The following GUCY1A2 variants were observed in gnomAD, a reference collection of about 807,000 sequenced individuals.
GUCY1A2 encodes the protein guanylate cyclase 1 soluble subunit alpha 2, also known as guanylate cyclase soluble subunit alpha-2.
Under a neutral mutation model 63.5 loss-of-function variants are expected in GUCY1A2, and 27 were observed. The ratio of observed to expected loss-of-function variants is 0.43; its 90% CI spans 0.31 to 0.59. The LOEUF is 0.59. GUCY1A2 is among the 20% of genes least tolerant of loss of function. The pLI is 0.11. For synonymous variants in GUCY1A2, 364 were observed against 343.5 expected, an observed-to-expected ratio of 1.06 and a Z score of -0.66; for missense variants, 768 against 913.3, an observed-to-expected ratio of 0.84 and a Z score of 2.05.
At chr11:106,818,638 A>G (rs1327137354) in intron 4 of GUCY1A2, among the ~76,000 whole-genome samples, 3 of 152,150 alleles carry the variant, frequency 2.0e-5, no homozygotes, top group Non-Finnish European at 4.4e-5. Flanking sequence ...TAAGCTTAGT[A>G]AGAAAGGCAT....
At chr11:106,795,648 C>T (rs541743672) in intron 5 of GUCY1A2, among the ~76,000 whole-genome samples, 1 of 152,226 alleles carries the variant, frequency 6.6e-6, no homozygotes, top group African/African-American at 2.4e-5. Flanking sequence ...AGTCATGTTA[C>T]CCATTTCAAA....
chr11:106,885,018 A>C (rs7111952), intron 4 of GUCY1A2, among the ~76,000 whole-genome samples: 1 of 152,054 alleles, frequency 6.6e-6, no homozygotes, highest in South Asian at 2.1e-4. Context: ...ACTCCCAACG[A>C]TAAGAGGCTA....
intron 6 of GUCY1A2, among the ~76,000 whole-genome samples, chr11:106,716,485 T>C (rs1863216292): frequency 6.6e-6 from 1 of 152,088 alleles, no homozygotes; most frequent in Non-Finnish European, 1.5e-5. Context: ...GCCAATAGCA[T>C]TGTGATTTTC....
intron 5 of GUCY1A2, among the ~76,000 whole-genome samples, chr11:106,798,068 A>G (rs1285983970): frequency 2.6e-5 from 4 of 152,182 alleles, no homozygotes; most frequent in African/African-American, 9.6e-5. Context: ...AGACGCAATA[A>G]TGATAAAGGG....
intron 7 of GUCY1A2, among the ~76,000 whole-genome samples, chr11:106,703,511 A>G (rs1862853013): frequency 6.8e-6 from 1 of 147,744 alleles, no homozygotes; most frequent in African/African-American, 2.6e-5. Flanking sequence ...AAGATGAACT[A>G]TTATTGGCTT....
At chr11:106,846,995 T>A (rs1002032466) in intron 4 of GUCY1A2, among the ~76,000 whole-genome samples, 2 of 151,368 alleles carry the variant, frequency 1.3e-5, no homozygotes, top group African/African-American at 2.4e-5. Flanking sequence ...GAGGATTAGA[T>A]ATAAGAAAAT....
At chr11:106,864,535 G>A (rs917859053) in intron 4 of GUCY1A2, among the ~76,000 whole-genome samples, 1 of 152,114 alleles carries the variant, frequency 6.6e-6, no homozygotes, top group Non-Finnish European at 1.5e-5. Flanking sequence ...TGCCCATTCT[G>A]CATGATATGG....
intron 4 of GUCY1A2, among the ~76,000 whole-genome samples, chr11:106,848,383 T>C (rs117608750): frequency 0.013 from 1,944 of 151,730 alleles, 27 homozygotes; most frequent in South Asian, 0.048. Context: ...AGAAAAATCA[T>C]ATTAATTCAT....
At chr11:106,972,992 C>G (rs1861215491) in intron 3 of GUCY1A2, among the ~76,000 whole-genome samples, 1 of 152,034 alleles carries the variant, frequency 6.6e-6, no homozygotes, top group Admixed American at 6.6e-5. Context: ...TTATCCTTTA[C>G]ATATAGGAAG....
intron 6 of GUCY1A2, among the ~76,000 whole-genome samples, chr11:106,709,343 A>T (rs1256169001): frequency 1.1e-5 from 1 of 89,428 alleles, no homozygotes; most frequent in Non-Finnish European, 2.0e-5. Context: ...AATATATATA[A>T]ATTTATATAT....
intron 4 of GUCY1A2, among the ~76,000 whole-genome samples, chr11:106,810,769 C>A (rs1269695343): frequency 6.6e-6 from 1 of 151,978 alleles, no homozygotes; most frequent in African/African-American, 2.4e-5. Flanking sequence ...GATGATACTC[C>A]AAGGTACATC....
At position 106,686,192 on chromosome 11, in the gene GUCY1A2, C is replaced by A. The variant is rs1427532585; in HGVS notation, c.*1357G>T. On this transcript the variant is annotated 3_prime_UTR_variant, in exon 8 of 8. Transcript: ENST00000526355. ...GGAAAACTCTGGACACCTGATGCTC[C>A]TAATTTTAGTGTGAGCCAGTAATAT... 1.4e-5 allele frequency: 3 copies of A among 217,584 alleles called. No individual in the cohort carries two copies. Among genetic ancestry groups the A allele is most frequent in the Non-Finnish European group, 1.8e-5 (2 of 108,272 alleles). 13.5% of individuals were successfully genotyped at this position (217,584 alleles called of 1,614,324 possible).
rs576118057 is a variant in GUCY1A2, at chr11:106,991,316, A to T, written c.304-5185T>A. On this transcript the variant is annotated intron_variant, in intron 1 of 7. Transcript: ENST00000526355. Reference sequence around the variant, plus strand: ...CCTGGCCATTATTTTGTTTATTTAAATATGACAAAATATATCTATCAAGGT... The same window carrying T: ...CCTGGCCATTATTTTGTTTATTTAATTATGACAAAATATATCTATCAAGGT... Among the ~76,000 whole-genome samples, 11 of 152,266 alleles carry T rather than the reference A, an allele frequency of 7.2e-5. No individual in the cohort carries two copies. The South Asian group carries it at 2.3e-3, about 32-fold the overall frequency.
At chr11:106,902,124 C>T (rs1265943095) in intron 4 of GUCY1A2, among the ~76,000 whole-genome samples, 1 of 152,126 alleles carries the variant, frequency 6.6e-6, no homozygotes. Context: ...TGTTAGCAGG[C>T]ATGCAAACAA....
At chr11:106,860,698 T>C (rs1381092413) in intron 4 of GUCY1A2, among the ~76,000 whole-genome samples, 2 of 152,024 alleles carry the variant, frequency 1.3e-5, no homozygotes, top group African/African-American at 2.4e-5. Flanking sequence ...CTATACATAC[T>C]TGGCTGAGTT....
chr11:106,703,873 A>G (rs2135345494), intron 7 of GUCY1A2, among the ~76,000 whole-genome samples: 1 of 152,084 alleles, frequency 6.6e-6, no homozygotes, highest in Non-Finnish European at 1.5e-5. Flanking sequence ...ATAGATATAC[A>G]TATATGATTC....
intron 4 of GUCY1A2, among the ~76,000 whole-genome samples, chr11:106,906,682 G>T (rs764294328): frequency 6.6e-6 from 1 of 151,922 alleles, no homozygotes; most frequent in Non-Finnish European, 1.5e-5. Flanking sequence ...ACTTGGAACC[G>T]ACCCAAATGC....
chr11:106,683,229 T>C lies in GUCY1A2; in HGVS notation c.*4320A>G, dbSNP rs898118355. Reference sequence around the variant, plus strand: ...GATTATAGAAGCCTCTGAAATGACATAATTTTTGTAGCTGAAGGTCTATAA... The same window carrying C: ...GATTATAGAAGCCTCTGAAATGACACAATTTTTGTAGCTGAAGGTCTATAA... On this transcript the variant is annotated 3_prime_UTR_variant, in exon 8 of 8. Coordinates refer to ENST00000526355, the MANE Select transcript of GUCY1A2 (RefSeq NM_000855.3). 1 of 216,380 alleles carries C rather than the reference T, an allele frequency of 4.6e-6. No homozygotes were observed. Among genetic ancestry groups the C allele is most frequent in the Non-Finnish European group, 9.3e-6 (1 of 107,460 alleles). 13.4% of individuals were successfully genotyped at this position (216,380 alleles called of 1,614,324 possible).
At chr11:106,799,648 C>T (rs1864834653) in intron 5 of GUCY1A2, among the ~76,000 whole-genome samples, 1 of 152,158 alleles carries the variant, frequency 6.6e-6, no homozygotes, top group South Asian at 2.1e-4. Flanking sequence ...GGAAAGGATT[C>T]CCTGTTTAAT....
Sources: allele counts gnomAD v4.1 joint callset (sites outside exome capture counted in the v4.1 genomes callset), GRCh38; gene constraint gnomAD v4.1.1; transcripts MANE v1.5; gene names NCBI Gene and HGNC (gene_info 2026-07-23, HGNC 2026-07-21).